Variants in UBE2V2 observed in about 807,000 individuals in gnomAD.
UBE2V2 encodes the protein ubiquitin-conjugating enzyme E2 variant 2.
Under a neutral mutation model 17.2 loss-of-function variants are expected in UBE2V2, and 9 were observed. The ratio of observed to expected loss-of-function variants is 0.52; its 90% CI spans 0.32 to 0.91. The LOEUF is 0.91. Among genes scored for constraint, UBE2V2 ranks in the 40% least tolerant of loss-of-function variants. The pLI, the probability that UBE2V2 is intolerant of heterozygous loss-of-function variation, is 0.04. For synonymous variants in UBE2V2, 61 were observed against 57.5 expected (o/e 1.06, Z -0.28); for missense variants, 133 against 182.6 (o/e 0.73, Z 1.56).
chr8:48,039,410 AT>A (rs1216612499), intron 1 of UBE2V2, among the ~76,000 whole-genome samples: 3 of 152,186 alleles, frequency 2.0e-5, no homozygotes, highest in Non-Finnish European at 4.4e-5. Context: ...ATAAGCCGTT[AT>A]GATTCCCTGA....
the UBE2V2 span, among the ~76,000 whole-genome samples, chr8:47,998,048 A>G: frequency 6.6e-6 from 1 of 152,034 alleles, no homozygotes; most frequent in African/African-American, 2.4e-5. Flanking sequence ...AAGCCAGAAC[A>G]TAAGGAATCT....
At chr8:48,046,215 G>A (rs1293381487) in intron 2 of UBE2V2, among the ~76,000 whole-genome samples, 1 of 151,996 alleles carries the variant, frequency 6.6e-6, no homozygotes, top group African/African-American at 2.4e-5. Flanking sequence ...TGCCTCCCGC[G>A]TTCATACCAT....
chr8:48,018,071 A>G (rs1434273629), intron 1 of UBE2V2, among the ~76,000 whole-genome samples: 1 of 152,002 alleles, frequency 6.6e-6, no homozygotes, highest in African/African-American at 2.4e-5. Context: ...TCCTGACCTC[A>G]GGTGATCCAC....
chr8:48,061,025 AT>A lies in UBE2V2; in HGVS notation c.*205del. ...GTAACAGGAGGAAAAATGCAGCACA[AT>A]TTTTTTTCTCTTGAAAGGCACTGTC... On this transcript the variant is annotated 3_prime_UTR_variant, in exon 4 of 4. Transcript: ENST00000523111. The A allele has an allele frequency of 9.3e-6, 4 of 428,952 alleles. No individual in the cohort carries two copies. The highest frequency in any genetic ancestry group is 1.5e-5 in the Non-Finnish European group (4 of 267,690). 26.6% of individuals were successfully genotyped at this position (428,952 alleles called of 1,614,324 possible).
intron 3 of UBE2V2, among the ~76,000 whole-genome samples, chr8:48,054,688 G>C (rs1332582059): frequency 6.6e-6 from 1 of 152,176 alleles, no homozygotes; most frequent in East Asian, 1.9e-4. Flanking sequence ...GATGGTGGGT[G>C]TTGCTTTAGT....
At chr8:48,007,055 T>C (rs1472638581), upstream of UBE2V2, among the ~76,000 whole-genome samples, 4 of 151,088 alleles carry the variant, frequency 2.6e-5, no homozygotes, top group Non-Finnish European at 5.9e-5. Flanking sequence ...TAATTTTTTG[T>C]ATTTTTTTTT....
intron 1 of UBE2V2, among the ~76,000 whole-genome samples, chr8:48,022,245 C>T (rs1262179702): frequency 1.3e-5 from 2 of 151,350 alleles, no homozygotes; most frequent in African/African-American, 4.9e-5. Flanking sequence ...TCATGTGATT[C>T]TCCTGCCTCA....
intron 1 of UBE2V2, among the ~76,000 whole-genome samples, chr8:48,019,769 T>G (rs1214833632): frequency 6.6e-6 from 1 of 151,112 alleles, no homozygotes; most frequent in Non-Finnish European, 1.5e-5. Context: ...GAGCCGAGAT[T>G]GCGCCACTGC....
chr8:48,035,659 G>GTA (rs1554657549), intron 1 of UBE2V2, among the ~76,000 whole-genome samples: 38 of 119,032 alleles, frequency 3.2e-4, no homozygotes, highest in Admixed American at 1.8e-3. Context: ...GTGTGTGTGT[G>GTA]TATATGTATG....
chr8:48,013,469 G>A lies in UBE2V2; in HGVS notation c.16+4999G>A, dbSNP rs557022646. ...ACTATAGGCGCCTGCCACCATGCCC[G>A]GTTAATTTTTTTTGTATTTTTAGTA... On this transcript the variant is annotated intron_variant, in intron 1 of 3. Transcript: ENST00000523111. Among the ~76,000 whole-genome samples, 7 of 152,078 alleles carry A rather than the reference G, an allele frequency of 4.6e-5. No individual in the cohort carries two copies. In the East Asian group the frequency reaches 7.7e-4, roughly 17 times the overall value.
intron 1 of UBE2V2, among the ~76,000 whole-genome samples, chr8:48,028,611 T>G (rs905534773): frequency 6.6e-6 from 1 of 152,160 alleles, no homozygotes; most frequent in Non-Finnish European, 1.5e-5. Flanking sequence ...GTGCTGGAAT[T>G]ACAGGCGTGA....
chr8:48,044,903 C>T (rs1274331866), intron 2 of UBE2V2, among the ~76,000 whole-genome samples: 1 of 152,250 alleles, frequency 6.6e-6, no homozygotes, highest in Non-Finnish European at 1.5e-5. Flanking sequence ...GTGATGAGTT[C>T]ATCAGTGGTC....
upstream of UBE2V2, among the ~76,000 whole-genome samples, chr8:48,006,906 C>T (rs937000524): frequency 1.3e-5 from 2 of 151,894 alleles, no homozygotes; most frequent in Non-Finnish European, 2.9e-5. Flanking sequence ...GATGGAGTCT[C>T]GCTCTGTCCC....
chr8:48,015,250 C>T (rs546256742), intron 1 of UBE2V2, among the ~76,000 whole-genome samples: 2 of 151,906 alleles, frequency 1.3e-5, no homozygotes, highest in African/African-American at 2.4e-5. Flanking sequence ...TGGTGATGTG[C>T]ACCTGCAGTC....
At chr8:48,021,680 A>G (rs550430443) in intron 1 of UBE2V2, among the ~76,000 whole-genome samples, 1 of 146,534 alleles carries the variant, frequency 6.8e-6, no homozygotes, top group East Asian at 2.0e-4. Context: ...GTATGAGCCA[A>G]TGCGCCTGGC....
intron 1 of UBE2V2, among the ~76,000 whole-genome samples, chr8:48,022,956 C>T (rs1241459685): frequency 1.3e-5 from 2 of 151,250 alleles, no homozygotes; most frequent in Non-Finnish European, 2.9e-5. Context: ...AATGTATCAT[C>T]TCACTCTCCC....
chr8:48,018,619 T>C lies in UBE2V2; in HGVS notation c.16+10149T>C, dbSNP rs145127521. Among the ~76,000 whole-genome samples, 886 of 152,322 alleles carry C rather than the reference T, an allele frequency of 5.8e-3. 5 individuals carry two copies. Among genetic ancestry groups the C allele is most frequent in the Middle Eastern group, 0.024 (7 of 294 alleles). On this transcript the variant is annotated intron_variant, in intron 1 of 3. Transcript: ENST00000523111. ...GTTCCATGTGCAGCTTAAAATAATG[T>C]ATTATGCCACTGTTGAATGGTATGT...
intron 2 of UBE2V2, among the ~76,000 whole-genome samples, chr8:48,049,231 G>A (rs2091519413): frequency 6.7e-6 from 1 of 150,300 alleles, no homozygotes; most frequent in Admixed American, 6.6e-5. Flanking sequence ...TAACTAACAG[G>A]GGACATAAAA....
intron 3 of UBE2V2, among the ~76,000 whole-genome samples, chr8:48,058,332 G>A (rs1373232021): frequency 6.6e-6 from 1 of 152,020 alleles, no homozygotes; most frequent in Non-Finnish European, 1.5e-5. Flanking sequence ...GCCGGGTATG[G>A]TGGTGAGCAC....
Sources: allele counts gnomAD v4.1 joint callset (sites outside exome capture counted in the v4.1 genomes callset), GRCh38; gene constraint gnomAD v4.1.1; transcripts MANE v1.5; gene names NCBI Gene and HGNC (gene_info 2026-07-23, HGNC 2026-07-21).